Variants in SH3PXD2A observed in about 807,000 individuals in gnomAD.
SH3PXD2A encodes SH3 and PX domain-containing protein 2A.
Under a neutral mutation model 115.2 loss-of-function variants are expected in SH3PXD2A, and 32 were observed. The observed-to-expected ratio is 0.28, with a 90% confidence interval of 0.21 to 0.37. The LOEUF is 0.37. SH3PXD2A is among the 10% of genes least tolerant of loss of function. The pLI is 1.00. For missense variants in SH3PXD2A, 1,328 were observed against 1,498.7 expected, an observed-to-expected ratio of 0.89 and a Z score of 1.88; for synonymous variants, 610 against 629.1, an observed-to-expected ratio of 0.97 and a Z score of 0.45.
intron 1 of SH3PXD2A, among the ~76,000 whole-genome samples, chr10:103,814,580 G>A (rs767642615): frequency 1.2e-4 from 18 of 152,190 alleles, no homozygotes; most frequent in Non-Finnish European, 1.8e-4. Flanking sequence ...GCTGGGGCAA[G>A]GGACGAGTGA....
rs562836853 is a variant in SH3PXD2A, at chr10:103,668,754, G to A, written c.428-102C>T. ...CACAGTGAGTGGCTGCAGGCGCCGCGCTCGGCCAGCCGCGGGCGGAAGGCG... is the reference window on the plus strand; with the variant it reads ...CACAGTGAGTGGCTGCAGGCGCCGCACTCGGCCAGCCGCGGGCGGAAGGCG... On this transcript the variant is annotated intron_variant, in intron 6 of 14. Coordinates refer to ENST00000369774, the MANE Select transcript of SH3PXD2A (RefSeq NM_001394015.1). 3.8e-5 allele frequency: 40 copies of A among 1,053,338 alleles called. 1 individual carries two copies. In the South Asian group the frequency reaches 3.8e-4, roughly 10 times the overall value. The allele number at this position is 1,053,338 out of a possible 1,614,324, so 65.2% of individuals were successfully genotyped here. A position where few individuals can be genotyped will look rare whatever the true frequency, so the allele number is the denominator to read the frequency against.
At chr10:103,788,351 T>C (rs2134248517) in intron 2 of SH3PXD2A, among the ~76,000 whole-genome samples, 1 of 152,276 alleles carries the variant, frequency 6.6e-6, no homozygotes, top group Admixed American at 6.5e-5. Context: ...GTCTGGCTGA[T>C]AACACAGCCT....
chr10:103,734,601 T>A (rs1229283382), intron 4 of SH3PXD2A, among the ~76,000 whole-genome samples: 3 of 152,030 alleles, frequency 2.0e-5, no homozygotes, highest in Admixed American at 6.5e-5. Context: ...ATACAAAAAT[T>A]AGCCAGGCAT....
intron 7 of SH3PXD2A, chr10:103,661,706 A>T (rs1378113957): frequency 1.0e-6 from 1 of 985,194 alleles, no homozygotes; most frequent in Non-Finnish European, 1.2e-6. Flanking sequence ...GAGCTTCTCC[A>T]CGGCCCAGGC....
intron 13 of SH3PXD2A, among the ~76,000 whole-genome samples, chr10:103,610,858 G>A (rs1192066392): frequency 2.0e-5 from 3 of 152,108 alleles, no homozygotes; most frequent in Non-Finnish European, 4.4e-5. Flanking sequence ...CAGTCTCTCC[G>A]CCTCTAAGTG....
intron 3 of SH3PXD2A, among the ~76,000 whole-genome samples, chr10:103,740,091 G>T (rs1163110880): frequency 6.6e-6 from 1 of 152,218 alleles, no homozygotes; most frequent in African/African-American, 2.4e-5. Context: ...AAGGGTTAAT[G>T]GTAGCTAAGC....
rs559061971 is a variant in SH3PXD2A at position 103,617,107 on chromosome 10, C to A, written c.920+90G>T. The stretch of plus-strand genomic sequence containing the variant: ...GTGGGCACAAAGCTGTCAGTATCTA[C>A]CTGCCATCAGGTGGCCATGGCCACT... On this transcript the variant is annotated intron_variant, in intron 11 of 14. Coordinates refer to ENST00000369774, the MANE Select transcript of SH3PXD2A (RefSeq NM_001394015.1). 3 of 834,382 alleles carry A rather than the reference C, an allele frequency of 3.6e-6. No individual in the cohort carries two copies. In the African/African-American group the frequency reaches 5.0e-5, roughly 14 times the overall value. 51.7% of individuals were successfully genotyped at this position (834,382 alleles called of 1,614,324 possible). A position where few individuals can be genotyped will look rare whatever the true frequency, so the allele number is the denominator to read the frequency against.
At chr10:103,793,060 A>T (rs1211888768) in intron 2 of SH3PXD2A, among the ~76,000 whole-genome samples, 1 of 152,070 alleles carries the variant, frequency 6.6e-6, no homozygotes, top group Non-Finnish European at 1.5e-5. Flanking sequence ...TTTATTTTTG[A>T]CTTCCCACCA....
intron 2 of SH3PXD2A, among the ~76,000 whole-genome samples, chr10:103,777,436 G>A (rs373053778): frequency 7.2e-5 from 11 of 152,394 alleles, no homozygotes; most frequent in Admixed American, 3.9e-4. Flanking sequence ...GCTGGCGTGC[G>A]TGGGCCAGGG....
chr10:103,698,166 G>T (rs183046529), intron 5 of SH3PXD2A, among the ~76,000 whole-genome samples: 11 of 152,344 alleles, frequency 7.2e-5, no homozygotes, highest in African/African-American at 2.4e-4. Context: ...AGAGTTCCCA[G>T]AGTGAGAGGT....
chr10:103,717,391 T>C (rs995598080), intron 5 of SH3PXD2A, among the ~76,000 whole-genome samples: 1 of 152,152 alleles, frequency 6.6e-6, no homozygotes, highest in African/African-American at 2.4e-5. Context: ...GGGAGGGCTT[T>C]CTGGAGGAGG....
intron 8 of SH3PXD2A, among the ~76,000 whole-genome samples, chr10:103,649,519 A>C (rs925785960): frequency 1.3e-5 from 2 of 152,228 alleles, no homozygotes; most frequent in Non-Finnish European, 2.9e-5. Flanking sequence ...GAGTGTCTAG[A>C]ACTGGCAGAA....
At chr10:103,668,524 G>T in intron 7 of SH3PXD2A, 84 bp downstream of exon 7, 1 of 1,196,040 alleles carries the variant, frequency 8.4e-7, no homozygotes, top group South Asian at 1.3e-5. Flanking sequence ...AGGGAAGCAT[G>T]CGCAGGGCCT....
chr10:103,832,942 C>T (rs904567935), intron 1 of SH3PXD2A, among the ~76,000 whole-genome samples: 3 of 152,106 alleles, frequency 2.0e-5, no homozygotes, highest in Non-Finnish European at 2.9e-5. Context: ...GATAAGCACA[C>T]CTTCAAATTA....
rs926396187 is a variant in SH3PXD2A at position 103,599,728 on chromosome 10, A to G, written c.*2088T>C. The stretch of plus-strand genomic sequence containing the variant: ...ATTATTGTTCAAATAAGTACAAATA[A>G]TATTAACATGAAGACACTAAACCAC... On this transcript the variant is annotated 3_prime_UTR_variant, in exon 15 of 15. Coordinates refer to ENST00000369774, the MANE Select transcript of SH3PXD2A (RefSeq NM_001394015.1). The G allele has an allele frequency of 1.3e-5, 2 of 152,668 alleles. No homozygotes were observed. The highest frequency in any genetic ancestry group is 2.9e-5 in the Non-Finnish European group (2 of 68,044). 9.5% of individuals were successfully genotyped at this position (152,668 alleles called of 1,614,324 possible).
chr10:103,670,658 A>T (rs7078428), intron 6 of SH3PXD2A, among the ~76,000 whole-genome samples: 3,251 of 152,304 alleles, frequency 0.021, 110 homozygotes, highest in African/African-American at 0.073. Context: ...TGGAAGGTAG[A>T]GGGACTCCAG....
At chr10:103,608,244 C>T (rs1372448777) in intron 13 of SH3PXD2A, among the ~76,000 whole-genome samples, 3 of 149,310 alleles carry the variant, frequency 2.0e-5, no homozygotes, top group East Asian at 2.0e-4. Flanking sequence ...TCCGGAGTCC[C>T]GGAAGCCGGG....
chr10:103,632,416 C>A (rs1409081016), intron 8 of SH3PXD2A, among the ~76,000 whole-genome samples: 1 of 152,220 alleles, frequency 6.6e-6, no homozygotes, highest in Non-Finnish European at 1.5e-5. Context: ...CTGGTTGCCA[C>A]AATTGACGTC....
intron 8 of SH3PXD2A, among the ~76,000 whole-genome samples, chr10:103,636,983 C>T (rs370731892): frequency 9.2e-5 from 14 of 152,238 alleles, no homozygotes; most frequent in African/African-American, 3.4e-4. Context: ...CAGAGTAATA[C>T]TAAGTACCTG....
Sources: gnomAD v4.1 joint callset for allele counts (sites outside exome capture counted in the v4.1 genomes callset) on GRCh38, gnomAD v4.1.1 for gene constraint, MANE v1.5 for transcripts, NCBI Gene and HGNC (gene_info 2026-07-23, HGNC 2026-07-21) for gene names.